The following MAGI2 variants were observed in gnomAD, a reference collection of about 807,000 sequenced individuals.
MAGI2 encodes membrane associated guanylate kinase, WW and PDZ domain containing 2.
Under a neutral mutation model 133.3 loss-of-function variants are expected in MAGI2, and 35 were observed. The ratio of observed to expected loss-of-function variants is 0.26; its 90% confidence interval spans 0.20 to 0.35. MAGI2 has a LOEUF of 0.35. Ranked by LOEUF, MAGI2 falls within the 10% of genes least tolerant of loss-of-function variation. The probability of loss-of-function intolerance (pLI) is 1.00; values close to 1 mark genes in which losing one functional copy is unlikely to be tolerated. For missense variants in MAGI2, 1,636 were observed against 1,863.4 expected (o/e 0.88, Z 2.25); for synonymous variants, 729 against 710.6 (o/e 1.03, Z -0.41).
intron 2 of MAGI2, among the ~76,000 whole-genome samples, chr7:78,702,931 T>G (rs540768320): frequency 1.3e-5 from 1 of 76,078 alleles, no homozygotes; most frequent in South Asian, 3.4e-4. Flanking sequence ...TATAAGTGAC[T>G]GTTGAGTCAT....
At chr7:78,767,824 A>C (rs1269960794) in intron 2 of MAGI2, among the ~76,000 whole-genome samples, 1 of 152,206 alleles carries the variant, frequency 6.6e-6, no homozygotes, top group Non-Finnish European at 1.5e-5. Flanking sequence ...CCAAGCTCAA[A>C]GCTATAGGAA....
At chr7:79,132,579 T>C (rs540478117) in intron 1 of MAGI2, among the ~76,000 whole-genome samples, 6 of 152,300 alleles carry the variant, frequency 3.9e-5, no homozygotes, top group African/African-American at 1.4e-4. Flanking sequence ...TCTTTGCAAT[T>C]ATGAATTTTG....
chr7:78,954,201 C>A (rs988770460), intron 2 of MAGI2, among the ~76,000 whole-genome samples: 1 of 152,006 alleles, frequency 6.6e-6, no homozygotes, highest in Non-Finnish European at 1.5e-5. Context: ...CTGTAAGCCC[C>A]GGAGAGCACT....
At chr7:78,958,905 G>A (rs1022082384) in intron 2 of MAGI2, among the ~76,000 whole-genome samples, 10 of 152,276 alleles carry the variant, frequency 6.6e-5, no homozygotes, top group Middle Eastern at 3.4e-3. Flanking sequence ...GATATGTGCT[G>A]TCTGATATTT....
At chr7:78,573,401 T>C (rs1193620016) in intron 3 of MAGI2, among the ~76,000 whole-genome samples, 2 of 74,210 alleles carry the variant, frequency 2.7e-5, no homozygotes, top group African/African-American at 5.5e-5. Flanking sequence ...TATATATATA[T>C]ATAGGCTGCC....
At chr7:78,061,941 C>T (rs773451814) in intron 21 of MAGI2, among the ~76,000 whole-genome samples, 13 of 152,144 alleles carry the variant, frequency 8.5e-5, no homozygotes, top group Non-Finnish European at 1.6e-4. Context: ...TGATAAAATT[C>T]AGATTTTAAA....
chr7:78,928,267 G>C (rs931327909), intron 2 of MAGI2, among the ~76,000 whole-genome samples: 1 of 151,884 alleles, frequency 6.6e-6, no homozygotes, highest in Non-Finnish European at 1.5e-5. Context: ...AAAGGCAGAT[G>C]GGGCTCATCA....
chr7:78,623,265 T>A (rs1258547689), intron 3 of MAGI2, among the ~76,000 whole-genome samples: 1 of 152,046 alleles, frequency 6.6e-6, no homozygotes. Flanking sequence ...ATCTGATATG[T>A]TAAGCCATTG....
chr7:78,028,690 A>G (rs1351195826), intron 21 of MAGI2, among the ~76,000 whole-genome samples: 1 of 152,060 alleles, frequency 6.6e-6, no homozygotes, highest in East Asian at 1.9e-4. Flanking sequence ...CACCATCTCT[A>G]CTAAAAATAC....
Position 79,327,714 on chromosome 7 carries a change from C to T in MAGI2, c.301+125306G>A, listed in dbSNP as rs1037588916. Among the ~76,000 whole-genome samples, 4 of 152,032 alleles carry T rather than the reference C, an allele frequency of 2.6e-5. No homozygotes were observed. The East Asian group carries it at 5.8e-4, about 22-fold the overall frequency. ...ACACACTCACTCACACTCACACACA[C>T]CTTTTTGTCATATAATAAACACAAC... On this transcript the variant is annotated intron_variant, in intron 1 of 21. Transcript: ENST00000354212.
At chr7:78,678,254 C>T (rs144084674) in intron 2 of MAGI2, among the ~76,000 whole-genome samples, 148 of 152,202 alleles carry the variant, frequency 9.7e-4, no homozygotes, top group East Asian at 5.8e-4. Flanking sequence ...TACTCTGTCC[C>T]TCTAGAAATA....
At chr7:78,685,634 C>T (rs1428974917) in intron 2 of MAGI2, among the ~76,000 whole-genome samples, 5 of 136,300 alleles carry the variant, frequency 3.7e-5, no homozygotes, top group Non-Finnish European at 6.3e-5. Context: ...ATTATATATA[C>T]GTAACCTATA....
At chr7:79,437,204 G>A (rs1207844372) in intron 1 of MAGI2, among the ~76,000 whole-genome samples, 1 of 152,052 alleles carries the variant, frequency 6.6e-6, no homozygotes, top group African/African-American at 2.4e-5. Flanking sequence ...AGGTGGGAGT[G>A]GGAGAGGGGA....
At chr7:78,503,972 G>A (rs1292908302) in intron 4 of MAGI2, among the ~76,000 whole-genome samples, 1 of 151,724 alleles carries the variant, frequency 6.6e-6, no homozygotes, top group East Asian at 2.0e-4. Context: ...AGCAGTGTGA[G>A]GATGAACTAA....
intron 2 of MAGI2, among the ~76,000 whole-genome samples, chr7:78,664,095 G>A (rs555604868): frequency 1.3e-5 from 2 of 152,156 alleles, no homozygotes; most frequent in Non-Finnish European, 2.9e-5. Flanking sequence ...CTACCAGAGA[G>A]TGTCTATTTA....
At chr7:78,204,200 T>C (rs533599883) in intron 10 of MAGI2, among the ~76,000 whole-genome samples, 6 of 152,276 alleles carry the variant, frequency 3.9e-5, no homozygotes, top group East Asian at 1.9e-4. Context: ...TATGGAATAA[T>C]TTCTATTGGG....
intron 2 of MAGI2, among the ~76,000 whole-genome samples, chr7:78,700,109 G>A (rs1031121740): frequency 6.6e-6 from 1 of 152,088 alleles, no homozygotes; most frequent in African/African-American, 2.4e-5. Context: ...TAATTTGTAT[G>A]ACCCGCCAAG....
chr7:78,202,794 A>G (rs1829380714), intron 10 of MAGI2, among the ~76,000 whole-genome samples: 1 of 152,072 alleles, frequency 6.6e-6, no homozygotes, highest in African/African-American at 2.4e-5. Context: ...ATCTTACCCA[A>G]GAAGTTGGTA....
chr7:78,138,517 T>G (rs921395083), intron 16 of MAGI2, among the ~76,000 whole-genome samples: 2 of 152,164 alleles, frequency 1.3e-5, no homozygotes, highest in Non-Finnish European at 2.9e-5. Flanking sequence ...ACAAATGGTA[T>G]TTGGATGATT....
Sources: gnomAD v4.1 joint callset for allele counts (sites outside exome capture counted in the v4.1 genomes callset) on GRCh38, gnomAD v4.1.1 for gene constraint, MANE v1.5 for transcripts, NCBI Gene and HGNC (gene_info 2026-07-23, HGNC 2026-07-21) for gene names.